The following CFH variants were observed in gnomAD, a reference collection of about 807,000 sequenced individuals.
The protein encoded by CFH is H factor 1 (complement).
In CFH, 53 loss-of-function variants were observed where a neutral mutation model predicts 147.3. The ratio of observed to expected loss-of-function variants is 0.36; its 90% CI spans 0.29 to 0.45. The LOEUF (loss-of-function observed/expected upper bound fraction) is 0.45. CFH is among the 20% of genes least tolerant of loss of function. The pLI, the probability that CFH is intolerant of heterozygous loss-of-function variation, is 1.00. For missense variants in CFH, 1,380 were observed against 1,498.0 expected (o/e 0.92, Z 1.30); for synonymous variants, 536 against 489.4 (o/e 1.10, Z -1.26).
intron 15 of CFH, among the ~76,000 whole-genome samples, chr1:196,735,982 G>A (rs957066197): frequency 6.6e-6 from 1 of 151,974 alleles, no homozygotes; most frequent in Admixed American, 6.6e-5. Flanking sequence ...CATACACTAT[G>A]ATAGGAGAAA....
chr1:196,732,522 T>C (rs916266197), intron 15 of CFH, among the ~76,000 whole-genome samples: 2 of 152,036 alleles, frequency 1.3e-5, no homozygotes, highest in African/African-American at 2.4e-5. Context: ...AGTTATGATA[T>C]CTTGTTTCTT....
At chr1:196,723,911 A>G (rs112498817) in intron 11 of CFH, among the ~76,000 whole-genome samples, 44 of 152,102 alleles carry the variant, frequency 2.9e-4, no homozygotes, top group African/African-American at 1.0e-3. Flanking sequence ...GACCACAGCT[A>G]TGAACACAGA....
chr1:196,659,147 G>A (rs115853233), intron 1 of CFH, among the ~76,000 whole-genome samples: 2,031 of 152,210 alleles, frequency 0.013, 42 homozygotes, highest in African/African-American at 0.047. Context: ...TAATAAGCCC[G>A]TTGTACATAC....
At chr1:196,702,523 GAA>G (rs764708240) in intron 9 of CFH, among the ~76,000 whole-genome samples, 2,005 of 74,162 alleles carry the variant, frequency 0.027, 43 homozygotes, top group African/African-American at 0.087. Context: ...GAACAGGATT[GAA>G]AAAAAAAAAA....
intron 9 of CFH, among the ~76,000 whole-genome samples, chr1:196,703,763 T>G (rs950757199): frequency 1.5e-4 from 23 of 151,870 alleles, no homozygotes; most frequent in African/African-American, 5.6e-4. Context: ...GATGGGCAGA[T>G]CACAAGGTCA....
At chr1:196,709,571 T>C (rs1162819092) in intron 9 of CFH, among the ~76,000 whole-genome samples, 1 of 152,102 alleles carries the variant, frequency 6.6e-6, no homozygotes, top group East Asian at 1.9e-4. Flanking sequence ...TAAAATTGAT[T>C]AAGGGGGAAA....
chr1:196,714,595 A>ATG (rs1491442984), intron 10 of CFH, among the ~76,000 whole-genome samples: 15 of 73,384 alleles, frequency 2.0e-4, no homozygotes, highest in African/African-American at 3.7e-4. Context: ...CCACTCAGTA[A>ATG]TATGTGTGTG....
intron 9 of CFH, among the ~76,000 whole-genome samples, chr1:196,707,767 A>T (rs1002405923): frequency 1.3e-5 from 2 of 152,200 alleles, no homozygotes; most frequent in African/African-American, 4.8e-5. Context: ...CAGATAAGTA[A>T]CTTTAATGAA....
intron 19 of CFH, among the ~76,000 whole-genome samples, 183 bp downstream of exon 19, chr1:196,742,234 G>T (rs1264715511): frequency 6.6e-6 from 1 of 152,002 alleles, no homozygotes; most frequent in Non-Finnish European, 1.5e-5. Context: ...AAAATAGTGG[G>T]GCATGGTGAC....
intron 3 of CFH, among the ~76,000 whole-genome samples, chr1:196,674,236 C>A (rs937674013): frequency 1.3e-5 from 2 of 152,054 alleles, no homozygotes; most frequent in Non-Finnish European, 2.9e-5. Context: ...ATTCACCCAA[C>A]AAGTCTTCAC....
intron 1 of CFH, among the ~76,000 whole-genome samples, chr1:196,671,719 TAGA>T (rs1018629027): frequency 2.0e-5 from 3 of 149,444 alleles, no homozygotes; most frequent in Non-Finnish European, 4.4e-5. Context: ...ACTTTTGAGA[TAGA>T]AGAAGCCAAC....
At chr1:196,728,714 AACACACACACACACACACGCAC>A (rs1240641395) in intron 15 of CFH, among the ~76,000 whole-genome samples, 192 bp downstream of exon 15, 1 of 145,222 alleles carries the variant, frequency 6.9e-6, no homozygotes, top group Non-Finnish European at 1.5e-5. Context: ...CTTTAGTATA[AACACACACACACACACACGCAC>A]ACACACACAC....
intron 9 of CFH, chr1:196,690,450 GGGCATTAGTCAAGAATACA>G (rs1667986544): frequency 2.1e-5 from 14 of 670,544 alleles, no homozygotes; most frequent in Non-Finnish European, 3.2e-5. Flanking sequence ...TCCTATTAAT[GGGCATTAGTCAAGAATACA>G]GTAAAAGAAT....
intron 12 of CFH, among the ~76,000 whole-genome samples, chr1:196,725,616 T>A (rs1296071963): frequency 6.6e-6 from 1 of 152,214 alleles, no homozygotes; most frequent in Non-Finnish European, 1.5e-5. Flanking sequence ...TGGCTCACTA[T>A]ACTCATGACT....
intron 11 of CFH, among the ~76,000 whole-genome samples, chr1:196,723,151 T>C (rs890512452): frequency 6.6e-6 from 1 of 152,142 alleles, no homozygotes; most frequent in African/African-American, 2.4e-5. Context: ...CTGTTTTAAA[T>C]CATACTTCCA....
intron 9 of CFH, among the ~76,000 whole-genome samples, chr1:196,701,819 A>C (rs1029275299): frequency 3.9e-5 from 6 of 152,066 alleles, no homozygotes; most frequent in Non-Finnish European, 7.4e-5. Flanking sequence ...TGCATCTTCC[A>C]AAATTGAAAG....
At chr1:196,659,568 T>C (rs1355896395) in intron 1 of CFH, among the ~76,000 whole-genome samples, 1 of 152,188 alleles carries the variant, frequency 6.6e-6, no homozygotes, top group African/African-American at 2.4e-5. Flanking sequence ...TCTGCACTCA[T>C]ATTTATATGC....
At chr1:196,678,572 T>G (rs1317646084) in intron 5 of CFH, 2 of 152,092 alleles carry the variant, frequency 1.3e-5, no homozygotes, top group African/African-American at 4.8e-5. Context: ...TTAAATCTAA[T>G]ATTTTTATTC....
At chr1:196,675,677 A>C (rs1460297531) in intron 3 of CFH, among the ~76,000 whole-genome samples, 1 of 152,112 alleles carries the variant, frequency 6.6e-6, no homozygotes, top group African/African-American at 2.4e-5. Context: ...TCGTGAACCA[A>C]GGATTATGAT....
Sources: gnomAD v4.1 joint callset for allele counts (sites outside exome capture counted in the v4.1 genomes callset) on GRCh38, gnomAD v4.1.1 for gene constraint, MANE v1.5 for transcripts, NCBI Gene and HGNC (gene_info 2026-07-23, HGNC 2026-07-21) for gene names.